Variants in LRRC32 observed in about 807,000 individuals in gnomAD.
LRRC32 encodes the protein transforming growth factor beta activator LRRC32.
In LRRC32, 5 loss-of-function variants were observed where a neutral mutation model predicts 15.0. The ratio of observed to expected loss-of-function variants is 0.33; its 90% confidence interval spans 0.17 to 0.70. LRRC32 has a LOEUF of 0.70. Among genes scored for constraint, LRRC32 ranks in the 30% least tolerant of loss-of-function variants. LRRC32 has a pLI of 0.66. For missense variants in LRRC32, 803 were observed against 854.2 expected, an observed-to-expected ratio of 0.94 and a Z score of 0.75; for synonymous variants, 391 against 403.9, an observed-to-expected ratio of 0.97 and a Z score of 0.38.
intron 1 of LRRC32, among the ~76,000 whole-genome samples, chr11:76,667,035 G>C (rs574011066): frequency 1.3e-4 from 20 of 152,288 alleles, no homozygotes; most frequent in African/African-American, 4.1e-4. Context: ...CTTACAAGTC[G>C]CTTCACCTCT....
Position 76,659,997 on chromosome 11 carries a change from C to A in LRRC32, c.1596G>T (p.Trp532Cys). 6.2e-7 allele frequency: 1 copy of A among 1,614,156 alleles called. No homozygotes were observed. Among genetic ancestry groups the A allele is most frequent in the Non-Finnish European group, 8.5e-7 (1 of 1,180,048 alleles). ...AENRLSHLPAWTQAVSLEVLD... is the reference protein window; with the variant it reads ...AENRLSHLPACTQAVSLEVLD... ...GCACCTCCAGTGACACAGCCTGTGT[C>A]CAGGCGGGAAGGTGGCTCAGGCGGT... is the stretch of plus-strand genomic sequence containing the variant. The change falls in exon 3 of 3, where the codon TGG becomes TGT. Residue 532 changes from tryptophan (W) to cysteine (C), a missense_variant. By Grantham distance (215) the Trp-to-Cys change is radical (BLOSUM62 -2). Transcript: ENST00000260061.
chr11:76,660,504 G>C lies in LRRC32; in HGVS notation c.1089C>G (p.Pro363=). The change falls in exon 3 of 3, where the codon CCC becomes CCG. Residue 363 remains proline, a synonymous_variant. Transcript: ENST00000260061. ...TFEARRLGSL[P]CLMLLDLSHN... is the part of the protein sequence containing the mutation. ...GGCTTAAGTCAAGGAGCATCAGGCAGGGCAGGGAGCCTAAGCGCCGGGCCT... is the reference window on the plus strand; with the variant it reads ...GGCTTAAGTCAAGGAGCATCAGGCACGGCAGGGAGCCTAAGCGCCGGGCCT... 6.2e-7 allele frequency: 1 copy of C among 1,614,150 alleles called. No individual in the cohort carries two copies. Among genetic ancestry groups the C allele is most frequent in the Non-Finnish European group, 8.5e-7 (1 of 1,180,030 alleles).
intron 2 of LRRC32, among the ~76,000 whole-genome samples, chr11:76,665,186 G>C (rs1037713883): frequency 1.3e-5 from 2 of 152,176 alleles, no homozygotes; most frequent in African/African-American, 4.8e-5. Flanking sequence ...AATCAAACTT[G>C]GTCCTTGCCC....
rs182318789 is a variant in LRRC32, at chr11:76,664,097, G to A, written c.84+1774C>T. On this transcript the variant is annotated intron_variant, in intron 2 of 2. Transcript: ENST00000260061. ...GTGCTGTGCCCCGCGTGTTACCCCC[G>A]GGCAAGTGCAGAGGCATACTGCCTC... is the stretch of plus-strand genomic sequence containing the variant. Among the ~76,000 whole-genome samples, 276 of 152,282 alleles carry A rather than the reference G, an allele frequency of 1.8e-3. 2 individuals are homozygous for A. Among genetic ancestry groups the A allele is most frequent in the African/African-American group, 6.0e-3 (251 of 41,558 alleles).
chr11:76,660,346 T>C lies in LRRC32; in HGVS notation c.1247A>G (p.Asn416Ser), dbSNP rs764439158. ...FANLASLQRL[N>S]LQGNRVSPCG... ...GGGGCTGACTCGGTTCCCCTGCAGG[T>C]TGAGCCGCTGCAGGCTGGCCAGATT... The change falls in exon 3 of 3, where the codon AAC becomes AGC. Residue 416 changes from asparagine to serine, a missense_variant. Physicochemically the swap from Asn to Ser is conservative, Grantham distance 46. Coordinates refer to ENST00000260061, the MANE Select transcript of LRRC32 (RefSeq NM_001128922.2). The C allele has an allele frequency of 1.1e-5, 18 of 1,611,934 alleles. No individual in the cohort carries two copies. The highest frequency in any genetic ancestry group is 1.4e-5 in the Non-Finnish European group (17 of 1,179,210).
At position 76,659,807 on chromosome 11, in the gene LRRC32, G is replaced by A. The variant is rs767293858; in HGVS notation, c.1786C>T (p.Gln596Ter). Residue 596 changes from glutamine (Q) to a stop codon, truncating the protein, a stop_gained, in exon 3 of 3, where the codon CAG becomes TAG. Transcript: ENST00000260061. LOFTEE classifies it high-confidence loss of function. ...HQGRVDVDATQDLICRFSSQE... is the reference protein window; with the variant it reads ...HQGRVDVDAT ...GAGCTGAAGCGGCAGATCAGGTCCT[G>A]GGTGGCGTCCACGTCCACACGGCCC... is the stretch of plus-strand genomic sequence containing the variant. 1 of 1,614,230 alleles carries A rather than the reference G, an allele frequency of 6.2e-7. No homozygotes were observed. Among genetic ancestry groups the A allele is most frequent in the Non-Finnish European group, 8.5e-7 (1 of 1,180,040 alleles).
rs755568325 is a variant in LRRC32 at position 76,659,812 on chromosome 11, G to A, written c.1781C>T (p.Ala594Val). 3 of 1,614,078 alleles carry A rather than the reference G, an allele frequency of 1.9e-6. No homozygotes were observed. Among genetic ancestry groups the A allele is most frequent in the Non-Finnish European group, 2.5e-6 (3 of 1,180,038 alleles). ...GAAGCGGCAGATCAGGTCCTGGGTG[G>A]CGTCCACGTCCACACGGCCCTGGTG... The part of the protein sequence containing the change: ...QLHQGRVDVD[A>V]TQDLICRFSS... The change falls in exon 3 of 3, where the codon GCC becomes GTC. Residue 594 changes from alanine to valine, a missense_variant. Transcript: ENST00000260061.
In LRRC32 at chr11:76,661,210, G is replaced by A. The variant is rs1225186070; in HGVS notation, c.383C>T (p.Ser128Phe). Residue 128 changes from serine (S) to phenylalanine (F), a missense_variant, in exon 3 of 3, where the codon TCC (serine) becomes TTC (phenylalanine). Ser to Phe is a radical substitution (Grantham distance 155). Transcript: ENST00000260061. ...CAGGCTGTTCCCAGACAGGTCCAGG[G>A]AGGTCACGCGTGGCAGGGGGCCCAG... Reference protein sequence around the residue: ...GGLGPLPRVTSLDLSGNSLYS... With the variant: ...GGLGPLPRVTFLDLSGNSLYS... 2.7e-5 allele frequency: 44 copies of A among 1,613,726 alleles called. No homozygotes were observed. The highest frequency in any genetic ancestry group is 3.6e-5 in the Non-Finnish European group (43 of 1,179,938).
In LRRC32 at chr11:76,660,801, G is replaced by A. The variant is rs760647680; in HGVS notation, c.792C>T (p.Leu264=). 2.5e-6 allele frequency: 4 copies of A among 1,614,062 alleles called. No individual in the cohort carries two copies. In the East Asian group the frequency reaches 6.7e-5, roughly 27 times the overall value. ...KLLHFPDLAA[L]PRLIYLNLSN... ...ACAAGTTCAGGTAGATGAGTCTCGG[G>A]AGCGCGGCCAGGTCGGGGAAATGGA... Residue 264 remains leucine (L), a synonymous_variant, in exon 3 of 3, where the codon CTC becomes CTT. Coordinates refer to ENST00000260061, the MANE Select transcript of LRRC32 (RefSeq NM_001128922.2).
At chr11:76,667,116 G>A (rs1392940205) in intron 1 of LRRC32, among the ~76,000 whole-genome samples, 1 of 152,256 alleles carries the variant, frequency 6.6e-6, no homozygotes, top group African/African-American at 2.4e-5. Context: ...CAAACGAGAT[G>A]CCACCTACAG....
chr11:76,661,737 A>G (rs1316856312), intron 2 of LRRC32, among the ~76,000 whole-genome samples: 2 of 152,130 alleles, frequency 1.3e-5, no homozygotes, highest in Non-Finnish European at 2.9e-5. Context: ...TAAGGAAGGA[A>G]CTCGATGAAG....
At chr11:76,663,621 T>C (rs1043477154) in intron 2 of LRRC32, 2 of 152,288 alleles carry the variant, frequency 1.3e-5, no homozygotes, top group South Asian at 2.1e-4. Context: ...GCCCCGTCAG[T>C]TGGGCACCTG....
intron 1 of LRRC32, among the ~76,000 whole-genome samples, chr11:76,668,066 T>C (rs1413015912): frequency 6.6e-6 from 1 of 151,366 alleles, no homozygotes; most frequent in Non-Finnish European, 1.5e-5. Context: ...GAAGTGCCCC[T>C]AGAGAGGGGC....
chr11:76,666,831 C>T (rs1359318049), intron 1 of LRRC32, among the ~76,000 whole-genome samples: 1 of 152,238 alleles, frequency 6.6e-6, no homozygotes, highest in Admixed American at 6.5e-5. Context: ...TTACTGAATA[C>T]CTCCTCATGT....
chr11:76,660,569 A>G lies in LRRC32; in HGVS notation c.1024T>C (p.Cys342Arg). ...CAGTTTCTGCTGAGGTTCAGGAAGC[A>G]CAGGGAGGTCAGGTGCTCAAGAAAG... The part of the protein sequence containing the change: ...DSFLEHLTSL[C>R]FLNLSRNCLR... The change falls in exon 3 of 3, where the codon TGC becomes CGC. Residue 342 changes from cysteine (C) to arginine (R), a missense_variant. Transcript: ENST00000260061. The G allele has an allele frequency of 6.2e-7, 1 of 1,614,222 alleles. No homozygotes were observed. The highest frequency in any genetic ancestry group is 1.1e-5 in the South Asian group (1 of 91,080).
chr11:76,661,189 C>G lies in LRRC32; in HGVS notation c.404G>C (p.Ser135Thr). 6.2e-7 allele frequency: 1 copy of G among 1,613,880 alleles called. No homozygotes were observed. The highest frequency in any genetic ancestry group is 8.5e-7 in the Non-Finnish European group (1 of 1,179,934). ...CCGCTCCAGCAGGCCGCTGTACAGGCTGTTCCCAGACAGGTCCAGGGAGGT... is the reference window on the plus strand; with the variant it reads ...CCGCTCCAGCAGGCCGCTGTACAGGGTGTTCCCAGACAGGTCCAGGGAGGT... The part of the protein sequence containing the change: ...RVTSLDLSGN[S>T]LYSGLLERLL... The change falls in exon 3 of 3, where the codon AGC becomes ACC. Residue 135 changes from serine to threonine, a missense_variant. Ser to Thr is a moderately conservative substitution (Grantham distance 58, BLOSUM62 1). Transcript: ENST00000260061.
chr11:76,662,806 C>T (rs1008796352), intron 2 of LRRC32: 1 of 152,370 alleles, frequency 6.6e-6, no homozygotes, highest in Non-Finnish European at 1.5e-5. Context: ...TTAAACTTCT[C>T]CACGGTGAAG....
At chr11:76,668,248 ACTG>A (rs1952657083) in intron 1 of LRRC32, among the ~76,000 whole-genome samples, 1 of 151,938 alleles carries the variant, frequency 6.6e-6, no homozygotes, top group African/African-American at 2.4e-5. Flanking sequence ...GTGGGCTCTG[ACTG>A]CTCTCCCTGA....
At position 76,659,414 on chromosome 11, in the gene LRRC32, A is replaced by G. The variant is rs1952469373; in HGVS notation, c.*190T>C. 1.6e-6 allele frequency: 1 copy of G among 619,132 alleles called. No individual in the cohort carries two copies. Among genetic ancestry groups the G allele is most frequent in the East Asian group, 2.8e-5 (1 of 35,776 alleles). The allele number at this position is 619,132 out of a possible 1,614,324, so 38.4% of individuals were successfully genotyped here. ...AAACCGCCCAACTTCTGGCTTCCAC[A>G]GCTGGACCCAAAGTGCAGCCCGGGA... On this transcript the variant is annotated 3_prime_UTR_variant, in exon 3 of 3. Transcript: ENST00000260061.
Sources: gnomAD v4.1 joint callset for allele counts (sites outside exome capture counted in the v4.1 genomes callset) on GRCh38, gnomAD v4.1.1 for gene constraint, MANE v1.5 for transcripts, NCBI Gene and HGNC (gene_info 2026-07-23, HGNC 2026-07-21) for gene names.